The following ADGRV1 variants were observed in gnomAD, a reference collection of about 807,000 sequenced individuals.
The protein encoded by ADGRV1 is adhesion G protein-coupled receptor V1.
A neutral mutation model predicts 596.2 loss-of-function variants in ADGRV1; 359 were observed. That is an observed-to-expected ratio of 0.60 (90% confidence interval 0.55 to 0.66). The LOEUF (loss-of-function observed/expected upper bound fraction) is 0.66. Ranked by LOEUF, ADGRV1 falls within the 30% of genes least tolerant of loss-of-function variation. ADGRV1 has a pLI of 0.00. For missense variants in ADGRV1, 7,274 were observed against 7,575.6 expected (o/e 0.96, Z 1.48); for synonymous variants, 2,681 against 2,679.2 (o/e 1.00, Z -0.02).
chr5:90,582,069 G>GT (rs1758133226), intron 1 of ADGRV1, among the ~76,000 whole-genome samples: 2 of 139,664 alleles, frequency 1.4e-5, no homozygotes, highest in Non-Finnish European at 1.6e-5. Context: ...GATTTCAGTT[G>GT]TTTTTTATTT....
intron 10 of ADGRV1, 27 bp downstream of exon 10, chr5:90,635,317 G>A (rs142511248): frequency 2.8e-5 from 44 of 1,572,892 alleles, no homozygotes; most frequent in East Asian, 2.2e-4. Context: ...TTACTGATGG[G>A]GGCTAATGAG....
At chr5:90,876,816 T>C (rs1769261214) in intron 83 of ADGRV1, among the ~76,000 whole-genome samples, 1 of 152,192 alleles carries the variant, frequency 6.6e-6, no homozygotes, top group South Asian at 2.1e-4. Flanking sequence ...ATTTATCTCA[T>C]GTTTGCAGTT....
intron 85 of ADGRV1, among the ~76,000 whole-genome samples, chr5:90,999,213 T>C (rs1781664174): frequency 6.6e-6 from 1 of 152,044 alleles, no homozygotes; most frequent in African/African-American, 2.4e-5. Context: ...CTCCTATCTA[T>C]TTTTAAGGAA....
intron 83 of ADGRV1, among the ~76,000 whole-genome samples, chr5:90,910,231 A>G (rs1050432146): frequency 1.3e-5 from 2 of 152,246 alleles, no homozygotes; most frequent in Non-Finnish European, 2.9e-5. Context: ...AGGAGCTGAT[A>G]CTTGTGCTCC....
intron 21 of ADGRV1, among the ~76,000 whole-genome samples, chr5:90,659,660 A>G (rs1000848961): frequency 6.6e-5 from 10 of 152,232 alleles, no homozygotes; most frequent in African/African-American, 2.4e-4. Context: ...TGAAAAGACT[A>G]GTAAAATCCT....
At chr5:91,035,864 T>TATATATA (rs1562121874) in intron 85 of ADGRV1, among the ~76,000 whole-genome samples, 1,306 of 68,232 alleles carry the variant, frequency 0.019, 58 homozygotes, top group Admixed American at 0.079. Context: ...ATATATATTA[T>TATATATA]ATATATATAT....
intron 86 of ADGRV1, among the ~76,000 whole-genome samples, chr5:91,084,762 A>C (rs1456134005): frequency 2.6e-5 from 4 of 152,234 alleles, no homozygotes; most frequent in African/African-American, 9.6e-5. Flanking sequence ...TCATGCTACT[A>C]TGAAGACACA....
intron 87 of ADGRV1, among the ~76,000 whole-genome samples, chr5:91,139,061 G>A (rs1045906579): frequency 2.0e-5 from 3 of 152,118 alleles, no homozygotes; most frequent in Non-Finnish European, 4.4e-5. Flanking sequence ...GTGAGCCACC[G>A]CGCCCACTGT....
chr5:91,094,296 T>C (rs1562210423), intron 86 of ADGRV1, among the ~76,000 whole-genome samples: 2 of 151,754 alleles, frequency 1.3e-5, no homozygotes, highest in Non-Finnish European at 2.9e-5. Context: ...CCATCTCTAC[T>C]AAAAACACAA....
intron 83 of ADGRV1, among the ~76,000 whole-genome samples, chr5:90,891,833 A>G (rs565996404): frequency 6.6e-6 from 1 of 152,100 alleles, no homozygotes; most frequent in East Asian, 1.9e-4. Flanking sequence ...AATATGTAAT[A>G]TTTAATTTGG....
At chr5:90,703,855 A>T in intron 35 of ADGRV1, 60 bp downstream of exon 35, 1 of 1,250,250 alleles carries the variant, frequency 8.0e-7, no homozygotes, top group Non-Finnish European at 1.1e-6. Flanking sequence ...ATTTTGAGGA[A>T]AATGGGATAG....
intron 83 of ADGRV1, among the ~76,000 whole-genome samples, chr5:90,914,804 A>G (rs1384638263): frequency 2.0e-5 from 3 of 152,178 alleles, no homozygotes; most frequent in Non-Finnish European, 4.4e-5. Flanking sequence ...GTTTTTCAAC[A>G]TTCCTTTTCT....
chr5:90,881,589 G>A lies in ADGRV1; in HGVS notation c.17856+17732G>A, dbSNP rs1769779279. Among the ~76,000 whole-genome samples the A allele has an allele frequency of 3.3e-5, 5 of 152,150 alleles. No homozygotes were observed. In the South Asian group the frequency reaches 1.0e-3, roughly 32 times the overall value. Reference sequence around the variant, plus strand: ...CCAGTGGGTCACAGCAAAGGATAAAGATTGGGTGATGTATATCAGGGATGG... The same window carrying A: ...CCAGTGGGTCACAGCAAAGGATAAAAATTGGGTGATGTATATCAGGGATGG... On this transcript the variant is annotated intron_variant, in intron 83 of 89. Coordinates refer to ENST00000405460, the MANE Select transcript of ADGRV1 (RefSeq NM_032119.4).
intron 72 of ADGRV1, among the ~76,000 whole-genome samples, chr5:90,807,300 A>C (rs1271340978): frequency 6.6e-6 from 1 of 152,194 alleles, no homozygotes; most frequent in Non-Finnish European, 1.5e-5. Context: ...TTTAAACCAA[A>C]GCCTGACACT....
chr5:90,611,664 A>G (rs1196931414), intron 1 of ADGRV1, among the ~76,000 whole-genome samples: 1 of 152,018 alleles, frequency 6.6e-6, no homozygotes, highest in African/African-American at 2.4e-5. Context: ...TTCATTTTAT[A>G]GAGAAGTTTA....
intron 85 of ADGRV1, among the ~76,000 whole-genome samples, chr5:91,009,408 C>A (rs1782547820): frequency 6.6e-6 from 1 of 152,146 alleles, no homozygotes; most frequent in Non-Finnish European, 1.5e-5. Flanking sequence ...CAAGACAAGG[C>A]AAATAATACA....
Position 90,725,228 on chromosome 5 carries a change from T to A in ADGRV1, c.10049T>A (p.Phe3350Tyr). The change falls in exon 47 of 90, where the codon TTC becomes TAC. Residue 3350 changes from phenylalanine (F) to tyrosine (Y), a missense_variant. Physicochemically the swap from Phe to Tyr is conservative, Grantham distance 22. Around this residue, in one of 5 missense-constraint regions of ADGRV1, gnomAD observed 3,643 missense variants for 3,809.2 expected, o/e 0.96. Coordinates refer to ENST00000405460, the MANE Select transcript of ADGRV1 (RefSeq NM_032119.4). ...VFTFTSGFKL[F>Y]LVQTIIILES... ...ACATTCACATCTGGATTTAAATTATTCCTGGTAAAAACATTTTCATTTTTA... is the reference window on the plus strand; with the variant it reads ...ACATTCACATCTGGATTTAAATTATACCTGGTAAAAACATTTTCATTTTTA... 7.0e-7 allele frequency: 1 copy of A among 1,429,254 alleles called. No individual in the cohort carries two copies. The highest frequency in any genetic ancestry group is 9.4e-7 in the Non-Finnish European group (1 of 1,068,996). 88.5% of individuals were successfully genotyped at this position (1,429,254 alleles called of 1,614,324 possible).
At chr5:91,120,051 T>C (rs985471808) in intron 87 of ADGRV1, among the ~76,000 whole-genome samples, 2 of 152,214 alleles carry the variant, frequency 1.3e-5, no homozygotes, top group Admixed American at 1.3e-4. Context: ...AGAGAGCTAC[T>C]GACAAGAACA....
intron 59 of ADGRV1, among the ~76,000 whole-genome samples, chr5:90,767,934 C>T (rs1365089002): frequency 6.6e-6 from 1 of 152,184 alleles, no homozygotes; most frequent in Non-Finnish European, 1.5e-5. Context: ...CATGATGACT[C>T]ATGAAACATC....
Sources: allele counts gnomAD v4.1 joint callset (sites outside exome capture counted in the v4.1 genomes callset), GRCh38; gene constraint gnomAD v4.1.1; regional missense constraint gnomAD v4.1.1; transcripts MANE v1.5; gene names NCBI Gene and HGNC (gene_info 2026-07-23, HGNC 2026-07-21).